TMEM182: variants seen among roughly 807,000 people sequenced by gnomAD.
The protein encoded by TMEM182 is transmembrane protein 182.
A neutral mutation model predicts 26.8 loss-of-function variants in TMEM182; 20 were observed. The ratio of observed to expected loss-of-function variants is 0.75; its 90% CI spans 0.53 to 1.09. The LOEUF is 1.09. Ranked by LOEUF, TMEM182 falls within the 50% of genes least tolerant of loss-of-function variation. TMEM182 has a pLI of 0.00. For synonymous variants in TMEM182, 109 were observed against 102.2 expected (o/e 1.07, Z -0.40); for missense variants, 277 against 275.5 (o/e 1.01, Z -0.04).
intron 3 of TMEM182, among the ~76,000 whole-genome samples, chr2:102,833,682 T>A (rs961812177): frequency 1.3e-5 from 2 of 152,232 alleles, no homozygotes; most frequent in Admixed American, 1.3e-4. Flanking sequence ...ATGCATTTAG[T>A]TGCAATGTCT....
intron 3 of TMEM182, among the ~76,000 whole-genome samples, chr2:102,792,041 TACACACAC>T (rs34305726): frequency 7.5e-5 from 11 of 147,102 alleles, no homozygotes; most frequent in South Asian, 4.3e-4. Context: ...TATGTGTGTA[TACACACAC>T]ACACACACAC....
intron 3 of TMEM182, among the ~76,000 whole-genome samples, chr2:102,767,369 T>C (rs1488701320): frequency 1.3e-5 from 2 of 152,204 alleles, no homozygotes; most frequent in Non-Finnish European, 2.9e-5. Context: ...TGTGTACTTC[T>C]AAGTGCATTA....
In TMEM182 at chr2:102,736,945, G is replaced by T. The variant is rs1226870601; in HGVS notation, c.-151G>T. 1.2e-5 allele frequency: 14 copies of T among 1,133,476 alleles called. No homozygotes were observed. The East Asian group carries it at 2.4e-4, about 20-fold the overall frequency. 70.2% of individuals were successfully genotyped at this position (1,133,476 alleles called of 1,614,324 possible). On this transcript the variant is annotated 5_prime_UTR_variant, in exon 1 of 6. Coordinates refer to the TMEM182 transcript ENST00000409173. ...CGGGTGCTACCTGGCAGCTCCGCGG[G>T]TGCGTGGCCGGTGCTGGCTGGGAGT...
At chr2:102,841,263 G>C (rs991279399) in intron 3 of TMEM182, among the ~76,000 whole-genome samples, 1 of 152,162 alleles carries the variant, frequency 6.6e-6, no homozygotes, top group Non-Finnish European at 1.5e-5. Context: ...CAGGGTCTGG[G>C]TATTAATCGT....
At chr2:102,745,985 CCT>C (rs1235306731) in intron 1 of TMEM182, among the ~76,000 whole-genome samples, 1 of 152,022 alleles carries the variant, frequency 6.6e-6, no homozygotes, top group Non-Finnish European at 1.5e-5. Flanking sequence ...GTTGATGGTA[CCT>C]CTATGTTTAA....
chr2:102,768,070 G>A (rs888797291), intron 3 of TMEM182, among the ~76,000 whole-genome samples: 1 of 152,082 alleles, frequency 6.6e-6, no homozygotes, highest in Non-Finnish European at 1.5e-5. Flanking sequence ...CTGCCCCTAC[G>A]CCACTGGTAC....
Position 102,838,166 on chromosome 2 carries a change from G to A in TMEM182, c.326-5246G>A, listed in dbSNP as rs557451598. Among the ~76,000 whole-genome samples, 5 of 152,258 alleles carry A rather than the reference G, an allele frequency of 3.3e-5. No individual in the cohort carries two copies. The East Asian group carries it at 9.6e-4, about 29-fold the overall frequency. On this transcript the variant is annotated intron_variant, in intron 3 of 3. Transcript: ENST00000486293. Reference sequence around the variant, plus strand: ...TGCTGCACGGAAGTAGGTTTTGTAAGTCTTCAATTTCAAAACAGGAAACTG... The same window carrying A: ...TGCTGCACGGAAGTAGGTTTTGTAAATCTTCAATTTCAAAACAGGAAACTG...
intron 3 of TMEM182, among the ~76,000 whole-genome samples, chr2:102,777,206 A>C (rs2732852): frequency 0.55 from 82,879 of 151,728 alleles, 23,268 homozygotes; most frequent in African/African-American, 0.67. Context: ...CGTATTGTAT[A>C]TAAAAAGTCA....
At chr2:102,809,190 A>G (rs1013107534) in intron 4 of TMEM182, among the ~76,000 whole-genome samples, 1 of 152,218 alleles carries the variant, frequency 6.6e-6, no homozygotes, top group Non-Finnish European at 1.5e-5. Context: ...AAATGTTTAT[A>G]TGAAGATGTT....
chr2:102,771,996 C>T (rs1680694877), intron 3 of TMEM182, among the ~76,000 whole-genome samples: 2 of 152,200 alleles, frequency 1.3e-5, no homozygotes, highest in African/African-American at 4.8e-5. Flanking sequence ...AGTCCCAAAA[C>T]TTCTAACCCA....
At chr2:102,762,553 T>C (rs762025988) in intron 1 of TMEM182, 34 bp from the exon 2 acceptor site, 26 of 1,590,044 alleles carry the variant, frequency 1.6e-5, no homozygotes, top group Admixed American at 9.1e-5. Flanking sequence ...ATTTCTTGTA[T>C]TGATGGCAAG....
intron 3 of TMEM182, among the ~76,000 whole-genome samples, chr2:102,833,758 T>A (rs1267130945): frequency 1.3e-5 from 2 of 152,222 alleles, no homozygotes; most frequent in East Asian, 1.9e-4. Flanking sequence ...CTTGAAACAT[T>A]TGAAGAGTAC....
intron 3 of TMEM182, chr2:102,775,362 T>A (rs1007441242): frequency 5.3e-5 from 8 of 152,190 alleles, no homozygotes; most frequent in Non-Finnish European, 1.0e-4. Flanking sequence ...AAACTCTCAA[T>A]AAATTAGGTA....
At chr2:102,802,237 GTGT>G (rs1682173278) in intron 4 of TMEM182, among the ~76,000 whole-genome samples, 1 of 152,246 alleles carries the variant, frequency 6.6e-6, no homozygotes, top group South Asian at 2.1e-4. Flanking sequence ...CAGCAGCACT[GTGT>G]TTAGACATTC....
At chr2:102,740,210 G>A (rs1043740245) in intron 1 of TMEM182, among the ~76,000 whole-genome samples, 4 of 152,186 alleles carry the variant, frequency 2.6e-5, no homozygotes, top group African/African-American at 9.6e-5. Flanking sequence ...AATATGAACT[G>A]ATATGTTTTG....
At chr2:102,823,263 A>G (rs1353219959) in intron 3 of TMEM182, among the ~76,000 whole-genome samples, 1 of 152,210 alleles carries the variant, frequency 6.6e-6, no homozygotes, top group African/African-American at 2.4e-5. Flanking sequence ...GGTTTTTAAT[A>G]TCTTAGAAAA....
chr2:102,748,829 T>C (rs957795991), intron 1 of TMEM182, among the ~76,000 whole-genome samples: 3 of 152,230 alleles, frequency 2.0e-5, no homozygotes, highest in Non-Finnish European at 4.4e-5. Context: ...CAGCCCTCTT[T>C]TTACTCTTTC....
intron 1 of TMEM182, among the ~76,000 whole-genome samples, chr2:102,747,279 A>G (rs1387155066): frequency 6.6e-6 from 1 of 152,160 alleles, no homozygotes; most frequent in Admixed American, 6.5e-5. Flanking sequence ...TCTTCAGTGT[A>G]AGGGTGTGTG....
intron 1 of TMEM182, among the ~76,000 whole-genome samples, chr2:102,748,753 G>A (rs560824236): frequency 1.3e-5 from 2 of 152,146 alleles, no homozygotes; most frequent in East Asian, 3.9e-4. Flanking sequence ...TTTATTCTGA[G>A]TTCTCAAATT....
Sources: allele counts gnomAD v4.1 joint callset (sites outside exome capture counted in the v4.1 genomes callset), GRCh38; gene constraint gnomAD v4.1.1; transcripts MANE v1.5; gene names NCBI Gene and HGNC (gene_info 2026-07-23, HGNC 2026-07-21).